The following KRT73 variants were observed in gnomAD, a reference collection of about 807,000 sequenced individuals.
KRT73 encodes keratin, type II cytoskeletal 73.
A neutral mutation model predicts 47.2 loss-of-function variants in KRT73; 44 were observed. The observed-to-expected ratio is 0.93, with a 90% CI of 0.73 to 1.20. The LOEUF (loss-of-function observed/expected upper bound fraction) is 1.20. Among genes scored for constraint, KRT73 ranks in the 50% most tolerant of loss-of-function variants. KRT73 has a pLI of 0.00. For synonymous variants in KRT73, 285 were observed against 291.3 expected, an observed-to-expected ratio of 0.98 and a Z score of 0.22; for missense variants, 713 against 704.5, an observed-to-expected ratio of 1.01 and a Z score of -0.14.
At chr12:52,627,459 A>C in the KRT73 span, among the ~76,000 whole-genome samples, 8 of 152,142 alleles carry the variant, frequency 5.3e-5, no homozygotes, top group Admixed American at 4.6e-4. Flanking sequence ...TGCTGCTCAA[A>C]ACAGAGCTCA....
At chr12:52,629,250 T>A in the KRT73 span, among the ~76,000 whole-genome samples, 1 of 152,190 alleles carries the variant, frequency 6.6e-6, no homozygotes, top group Non-Finnish European at 1.5e-5. Context: ...CCCACACCCC[T>A]TCTACATCCC....
rs2120862628 is a variant in KRT73 at position 52,611,362 on chromosome 12, A to G, written c.985-33T>C. On this transcript the variant is annotated intron_variant, in intron 5 of 8. Coordinates refer to ENST00000305748, the MANE Select transcript of KRT73 (RefSeq NM_175068.3). ...AAAAGGAACCAAAGCAAGAACACTG[A>G]CTCAGGGCTTGGCTGGGATCAGCCT... 3 of 1,613,112 alleles carry G rather than the reference A, an allele frequency of 1.9e-6. No individual in the cohort carries two copies. The South Asian group carries it at 3.3e-5, about 18-fold the overall frequency.
At chr12:52,617,294 C>G (rs1355393532) in intron 1 of KRT73, among the ~76,000 whole-genome samples, 3 of 152,214 alleles carry the variant, frequency 2.0e-5, no homozygotes, top group East Asian at 3.9e-4. Context: ...CTTCCTACCA[C>G]TTTGTTCCTC....
intron 1 of KRT73, among the ~76,000 whole-genome samples, chr12:52,616,601 C>T (rs1275431204): frequency 6.6e-6 from 1 of 152,144 alleles, no homozygotes; most frequent in East Asian, 1.9e-4. Context: ...GGGAGGGGCA[C>T]CAATGTCTTC....
At position 52,609,229 on chromosome 12, in the gene KRT73, G is replaced by A. The variant is rs748095866; in HGVS notation, c.1366+18C>T. 2 of 1,609,432 alleles carry A rather than the reference G, an allele frequency of 1.2e-6. No homozygotes were observed. The highest frequency in any genetic ancestry group is 1.7e-6 in the Non-Finnish European group (2 of 1,175,786). ...TTGATGGACTAAAAGTATTCCCTCAGAGTCATGAAATACTCACAAATGCTC... is the reference window on the plus strand; with the variant it reads ...TTGATGGACTAAAAGTATTCCCTCAAAGTCATGAAATACTCACAAATGCTC... On this transcript the variant is annotated intron_variant, in intron 8 of 8. Transcript: ENST00000305748.
intron 7 of KRT73, among the ~76,000 whole-genome samples, chr12:52,609,565 T>C (rs1173022274): frequency 4.6e-5 from 7 of 152,208 alleles, no homozygotes; most frequent in Non-Finnish European, 7.3e-5. Context: ...ACCCATTTCT[T>C]TACTACTGTG....
At chr12:52,614,931 T>A in intron 3 of KRT73, 3 of 523,550 alleles carry the variant, frequency 5.7e-6, no homozygotes, top group Non-Finnish European at 1.0e-5. Context: ...ACTCAGCCAG[T>A]CATTCAGCCA....
At chr12:52,614,737 G>A (rs998641119) in intron 3 of KRT73, 63 bp from the exon 4 acceptor site, 33 of 1,369,082 alleles carry the variant, frequency 2.4e-5, no homozygotes, top group African/African-American at 1.7e-4. Context: ...CCTCTCCAGC[G>A]AACTGACACC....
Position 52,618,148 on chromosome 12 carries a change from T to A in KRT73, c.377A>T (p.Gln126Leu). 6.2e-7 allele frequency: 1 copy of A among 1,613,990 alleles called. No individual in the cohort carries two copies. The highest frequency in any genetic ancestry group is 8.5e-7 in the Non-Finnish European group (1 of 1,179,948). The change falls in exon 1 of 9, where the codon CAG (glutamine) becomes CTG (leucine). Residue 126 changes from glutamine (Q) to leucine (L), a missense_variant. Gln to Leu is a moderately radical substitution (Grantham distance 113). Transcript: ENST00000305748. Reference protein sequence around the residue: ...PLNVELDPEIQKVRAQEREQI... With the variant: ...PLNVELDPEILKVRAQEREQI... Reference sequence around the variant, plus strand: ...CTCCCGCTCCTGGGCACGCACTTTCTGGATTTCAGGGTCCAGCTCCACGTT... The same window carrying A: ...CTCCCGCTCCTGGGCACGCACTTTCAGGATTTCAGGGTCCAGCTCCACGTT...
Position 52,615,269 on chromosome 12 carries a change from C to T in KRT73, c.723+10G>A. Reference sequence around the variant, plus strand: ...TGGGGGACTGAAGGGAACCCATGCACCCTCCTCACCTTCTTAAGCACCACA... The same window carrying T: ...TGGGGGACTGAAGGGAACCCATGCATCCTCCTCACCTTCTTAAGCACCACA... On this transcript the variant is annotated intron_variant, in intron 3 of 8. Coordinates refer to ENST00000305748, the MANE Select transcript of KRT73 (RefSeq NM_175068.3). The T allele has an allele frequency of 6.2e-7, 1 of 1,611,866 alleles. No homozygotes were observed. Among genetic ancestry groups the T allele is most frequent in the South Asian group, 1.1e-5 (1 of 90,894 alleles).
chr12:52,613,983 A>G, intron 4 of KRT73, 131 bp from the exon 5 acceptor site: 1 of 1,388,876 alleles, frequency 7.2e-7, no homozygotes, highest in Non-Finnish European at 9.7e-7. Context: ...CAAAGCTTGT[A>G]AGAACAGAGC....
chr12:52,628,384 T>C, the KRT73 span, among the ~76,000 whole-genome samples: 294 of 133,722 alleles, frequency 2.2e-3, no homozygotes, highest in Non-Finnish European at 4.1e-3. Context: ...CCAGTCCCCA[T>C]AGATCTTCCT....
At chr12:52,610,529 G>GCGGGGGGGGCCCCCCCCCCCCC in intron 7 of KRT73, 86 bp downstream of exon 7, 1 of 295,156 alleles carries the variant, frequency 3.4e-6, no homozygotes, top group Non-Finnish European at 6.8e-6. Flanking sequence ...CCAGCTCGCC[G>GCGGGGGGGGCCCCCCCCCCCCC]CCCCCTCCCC....
chr12:52,620,488 C>G (rs2120890496), upstream of KRT73, among the ~76,000 whole-genome samples: 1 of 152,278 alleles, frequency 6.6e-6, no homozygotes, highest in South Asian at 2.1e-4. Flanking sequence ...GCTTAGTATT[C>G]CAGCCAGAAT....
chr12:52,613,856 C>A lies in KRT73; in HGVS notation c.820-4G>T, dbSNP rs781605601. The A allele has an allele frequency of 6.2e-7, 1 of 1,612,654 alleles. No homozygotes were observed. Among genetic ancestry groups the A allele is most frequent in the Admixed American group, 1.7e-5 (1 of 59,984 alleles). On this transcript the variant is annotated splice_region_variant and splice_polypyrimidine_tract_variant and intron_variant, in intron 4 of 8. Transcript: ENST00000305748. ...GGGACTGGATCTGAGCAGTCTCCTG[C>A]AGGGGAAACAAGGAAGCATGAAATG...
intron 8 of KRT73, 56 bp downstream of exon 8, chr12:52,609,191 C>T (rs1374728414): frequency 1.3e-6 from 2 of 1,518,058 alleles, no homozygotes; most frequent in Non-Finnish European, 1.8e-6. Flanking sequence ...GACACCCACC[C>T]ACTTTGTGTT....
chr12:52,617,258 C>T (rs1440795919), intron 1 of KRT73, among the ~76,000 whole-genome samples: 3 of 152,186 alleles, frequency 2.0e-5, no homozygotes, highest in African/African-American at 7.2e-5. Context: ...CTCCTCTAAG[C>T]TTAGGAAGTC....
At chr12:52,629,923 T>C in the KRT73 span, among the ~76,000 whole-genome samples, 1 of 152,002 alleles carries the variant, frequency 6.6e-6, no homozygotes, top group Middle Eastern at 3.2e-3. Flanking sequence ...GCACAAACAC[T>C]CACACTCTCC....
intron 4 of KRT73, 27 bp from the exon 5 acceptor site, chr12:52,613,879 A>G (rs1448110866): frequency 6.2e-7 from 1 of 1,607,116 alleles, no homozygotes; most frequent in Admixed American, 1.7e-5. Context: ...GAAGCATGAA[A>G]TGCCTTCTGT....
Sources: allele counts gnomAD v4.1 joint callset (sites outside exome capture counted in the v4.1 genomes callset), GRCh38; gene constraint gnomAD v4.1.1; transcripts MANE v1.5; gene names NCBI Gene and HGNC (gene_info 2026-07-23, HGNC 2026-07-21).